ABCA12: variants seen among roughly 807,000 people sequenced by gnomAD.
ABCA12 encodes ATP binding cassette subfamily A member 12.
In ABCA12, 156 loss-of-function variants were observed where a neutral mutation model predicts 293.5. The observed-to-expected ratio is 0.53, with a 90% CI of 0.47 to 0.61. The LOEUF is 0.61. Among genes scored for constraint, ABCA12 ranks in the 20% least tolerant of loss-of-function variants. ABCA12 has a pLI of 0.00. For missense variants in ABCA12, 2,797 were observed against 3,090.2 expected (o/e 0.91, Z 2.25); for synonymous variants, 1,063 against 1,108.0 (o/e 0.96, Z 0.81).
chr2:215,125,360 T>A (rs1398222646), intron 1 of ABCA12, among the ~76,000 whole-genome samples: 2 of 152,184 alleles, frequency 1.3e-5, no homozygotes, highest in Non-Finnish European at 2.9e-5. Flanking sequence ...TTGATGGGTA[T>A]TGCATTGAAT....
intron 18 of ABCA12, among the ~76,000 whole-genome samples, chr2:215,008,576 TA>T (rs1260829783): frequency 2.0e-5 from 3 of 152,046 alleles, no homozygotes; most frequent in Non-Finnish European, 4.4e-5. Context: ...AAACTATATA[TA>T]AAAAAGGATT....
intron 2 of ABCA12, among the ~76,000 whole-genome samples, chr2:215,076,023 T>C (rs989072144): frequency 5.6e-4 from 86 of 152,336 alleles, no homozygotes; most frequent in African/African-American, 2.0e-3. Context: ...GTATTCATAT[T>C]CCATCTATTT....
intron 23 of ABCA12, among the ~76,000 whole-genome samples, chr2:214,996,854 C>T (rs895689224): frequency 1.5e-4 from 23 of 152,126 alleles, no homozygotes; most frequent in African/African-American, 5.1e-4. Context: ...GTTCCTCTAA[C>T]CTCATTATTT....
intron 39 of ABCA12, among the ~76,000 whole-genome samples, chr2:214,964,866 A>G (rs1440594819): frequency 6.6e-6 from 1 of 152,216 alleles, no homozygotes. Context: ...TCACAGAATT[A>G]GAAAAAAATT....
At chr2:215,027,605 A>G (rs971002343) in intron 9 of ABCA12, among the ~76,000 whole-genome samples, 2 of 152,186 alleles carry the variant, frequency 1.3e-5, no homozygotes, top group Non-Finnish European at 2.9e-5. Context: ...GTTGAATCCT[A>G]GATAAACAAT....
At chr2:215,096,695 T>C (rs1702256033) in intron 2 of ABCA12, among the ~76,000 whole-genome samples, 3 of 152,212 alleles carry the variant, frequency 2.0e-5, no homozygotes, top group Admixed American at 1.3e-4. Context: ...TATATTATAA[T>C]TTCAATAACT....
intron 2 of ABCA12, among the ~76,000 whole-genome samples, chr2:215,104,433 G>A (rs71428363): frequency 0.11 from 16,159 of 152,208 alleles, 1,054 homozygotes; most frequent in South Asian, 0.19. Context: ...AGGAGCTGGG[G>A]GAGATGGACC....
intron 22 of ABCA12, chr2:214,999,685 C>T: frequency 5.2e-6 from 2 of 386,866 alleles, no homozygotes; most frequent in Non-Finnish European, 7.1e-6. Flanking sequence ...ATAATTTGTG[C>T]AAACCATTGC....
chr2:215,000,602 G>A, intron 22 of ABCA12, 103 bp downstream of exon 22: 1 of 1,379,184 alleles, frequency 7.3e-7, no homozygotes, highest in Non-Finnish European at 1.0e-6. Flanking sequence ...CAAAAGTTTG[G>A]TGAATGTTGT....
At chr2:214,944,917 T>A in intron 49 of ABCA12, 84 bp downstream of exon 49, 1 of 969,780 alleles carries the variant, frequency 1.0e-6, no homozygotes, top group Non-Finnish European at 1.6e-6. Flanking sequence ...GTGTATATAT[T>A]TATTTATGTT....
intron 39 of ABCA12, chr2:214,962,311 G>T (rs1699136047): frequency 6.6e-6 from 1 of 152,092 alleles, no homozygotes. Flanking sequence ...AAATAAACAG[G>T]CAGGAGTCAG....
At chr2:215,029,993 C>A (rs1700837707) in intron 9 of ABCA12, among the ~76,000 whole-genome samples, 1 of 152,198 alleles carries the variant, frequency 6.6e-6, no homozygotes, top group Non-Finnish European at 1.5e-5. Flanking sequence ...TATTGCCACT[C>A]TGTGATTATT....
At position 215,138,361 on chromosome 2, in the gene ABCA12, T is replaced by G; in HGVS notation, c.-153A>C. ...GGCTGGGGTAAGAAACCCACAGTTC[T>G]TCTGTTTCTGCTGGATTTTTCCCTG... On this transcript the variant is annotated 5_prime_UTR_variant, in exon 1 of 53. Coordinates refer to ENST00000272895, the MANE Select transcript of ABCA12 (RefSeq NM_173076.3). 1 of 782,324 alleles carries G rather than the reference T, an allele frequency of 1.3e-6. No individual in the cohort carries two copies. Among genetic ancestry groups the G allele is most frequent in the Non-Finnish European group, 2.2e-6 (1 of 450,188 alleles). The allele number at this position is 782,324 out of a possible 1,614,324, so 48.5% of individuals were successfully genotyped here. A position where few individuals can be genotyped will look rare whatever the true frequency, so the allele number is the denominator to read the frequency against.
intron 32 of ABCA12, 43 bp from the exon 33 acceptor site, chr2:214,978,509 A>G (rs1486178558): frequency 1.3e-6 from 2 of 1,598,342 alleles, no homozygotes; most frequent in South Asian, 1.1e-5. Context: ...TGAAAAGTGC[A>G]TGTCTTTTCT....
At chr2:215,099,995 T>C (rs914311472) in intron 2 of ABCA12, among the ~76,000 whole-genome samples, 1 of 149,868 alleles carries the variant, frequency 6.7e-6, no homozygotes, top group Non-Finnish European at 1.5e-5. Flanking sequence ...CATGATGAAA[T>C]TGATCTCTCT....
intron 2 of ABCA12, among the ~76,000 whole-genome samples, chr2:215,090,380 G>A (rs1702119117): frequency 6.6e-6 from 1 of 152,130 alleles, no homozygotes; most frequent in South Asian, 2.1e-4. Context: ...CACTCTGTGA[G>A]GAGATCCACC....
At chr2:214,999,931 A>G (rs1700106134) in intron 22 of ABCA12, 1 of 503,680 alleles carries the variant, frequency 2.0e-6, no homozygotes, top group African/African-American at 2.1e-5. Context: ...TTGTATATAA[A>G]CTGCAATAAC....
chr2:215,046,510 T>C (rs562068615), intron 6 of ABCA12, among the ~76,000 whole-genome samples: 1 of 146,858 alleles, frequency 6.8e-6, no homozygotes, highest in Admixed American at 6.8e-5. Flanking sequence ...TATAAGAGCG[T>C]GTGTGTGTGT....
chr2:214,992,599 C>T (rs1183510682), intron 23 of ABCA12, among the ~76,000 whole-genome samples: 1 of 135,512 alleles, frequency 7.4e-6, no homozygotes, highest in East Asian at 2.5e-4. Context: ...CAGTGACTCA[C>T]ACCTGTAATC....
Sources: gnomAD v4.1 joint callset for allele counts (sites outside exome capture counted in the v4.1 genomes callset) on GRCh38, gnomAD v4.1.1 for gene constraint, MANE v1.5 for transcripts, NCBI Gene and HGNC (gene_info 2026-07-23, HGNC 2026-07-21) for gene names.